Variants in FIG4 observed in about 807,000 individuals in gnomAD.
FIG4 encodes FIG4 phosphoinositide 5-phosphatase.
In FIG4, 112 loss-of-function variants were observed where a neutral mutation model predicts 118.6. The ratio of observed to expected loss-of-function variants is 0.94; its 90% confidence interval spans 0.81 to 1.11. The LOEUF is 1.11. FIG4 is among the 50% of genes least tolerant of loss of function. The pLI, the probability that FIG4 is intolerant of heterozygous loss-of-function variation, is 0.00. For missense variants in FIG4, 969 were observed against 1,111.7 expected, an observed-to-expected ratio of 0.87 and a Z score of 1.83; for synonymous variants, 369 against 381.2, an observed-to-expected ratio of 0.97 and a Z score of 0.37.
intron 17 of FIG4, chr6:109,786,024 A>G: frequency 2.3e-6 from 1 of 434,454 alleles, no homozygotes; most frequent in Non-Finnish European, 4.2e-6. Context: ...AGGAATTTAA[A>G]GAACCTCCTC....
chr6:109,797,487 T>A (rs1778319842), intron 22 of FIG4, among the ~76,000 whole-genome samples: 1 of 152,156 alleles, frequency 6.6e-6, no homozygotes, highest in African/African-American at 2.4e-5. Flanking sequence ...ATCACCATCA[T>A]CATCCTCTTC....
chr6:109,757,622 G>T (rs1776958776), intron 10 of FIG4, among the ~76,000 whole-genome samples: 1 of 152,152 alleles, frequency 6.6e-6, no homozygotes, highest in Non-Finnish European at 1.5e-5. Flanking sequence ...GAACAATCAG[G>T]CAAGAGAAAG....
chr6:109,802,539 G>A (rs796688699), intron 22 of FIG4, among the ~76,000 whole-genome samples: 3 of 152,302 alleles, frequency 2.0e-5, no homozygotes, highest in African/African-American at 4.8e-5. Flanking sequence ...CAAAAGTTTA[G>A]CATGTGTGTA....
intron 22 of FIG4, among the ~76,000 whole-genome samples, chr6:109,797,368 C>T (rs1778316783): frequency 6.6e-6 from 1 of 152,114 alleles, no homozygotes; most frequent in Non-Finnish European, 1.5e-5. Context: ...TCCTCATCTG[C>T]AAAAGGGAAT....
chr6:109,734,129 A>C (rs1297551724), intron 5 of FIG4, among the ~76,000 whole-genome samples: 1 of 151,986 alleles, frequency 6.6e-6, no homozygotes, highest in African/African-American at 2.4e-5. Context: ...AGATGAAACA[A>C]ATCAATTTCA....
chr6:109,743,095 C>A lies in FIG4; in HGVS notation c.877-15C>A. The A allele has an allele frequency of 1.2e-6, 2 of 1,605,944 alleles. No homozygotes were observed. Among genetic ancestry groups the A allele is most frequent in the Middle Eastern group, 1.7e-4 (1 of 6,042 alleles). Reference sequence around the variant, plus strand: ...TAATAACATAAAATATTTTTCAATGCACCTTTCTTTTCAGGGTGATGTTGC... The same window carrying A: ...TAATAACATAAAATATTTTTCAATGAACCTTTCTTTTCAGGGTGATGTTGC... On this transcript the variant is annotated splice_polypyrimidine_tract_variant and intron_variant, in intron 8 of 22. Transcript: ENST00000230124.
chr6:109,766,345 A>G (rs539348464), intron 14 of FIG4, among the ~76,000 whole-genome samples: 25 of 152,324 alleles, frequency 1.6e-4, no homozygotes, highest in Non-Finnish European at 3.4e-4. Flanking sequence ...GCTCGAATGG[A>G]CTGACACCGT....
intron 10 of FIG4, among the ~76,000 whole-genome samples, chr6:109,751,995 C>A (rs1224138946): frequency 2.9e-3 from 307 of 105,700 alleles, no homozygotes; most frequent in African/African-American, 0.011. Context: ...CCCCTCCCCC[C>A]ACCCCACAAC....
chr6:109,707,434 T>C (rs546756730), intron 1 of FIG4, among the ~76,000 whole-genome samples: 2 of 148,342 alleles, frequency 1.3e-5, no homozygotes, highest in Admixed American at 6.8e-5. Context: ...TATATACATA[T>C]ATATACATAT....
At chr6:109,763,052 T>C (rs1777159799) in intron 12 of FIG4, among the ~76,000 whole-genome samples, 2 of 152,224 alleles carry the variant, frequency 1.3e-5, no homozygotes, top group Non-Finnish European at 2.9e-5. Context: ...TTGTGAAGCA[T>C]GGGTGAAATG....
chr6:109,817,300 A>G (rs539636222), intron 22 of FIG4, among the ~76,000 whole-genome samples: 4 of 152,326 alleles, frequency 2.6e-5, no homozygotes, highest in South Asian at 2.1e-4. Flanking sequence ...GCCTACAAAC[A>G]ATGCAGCCGA....
chr6:109,807,068 A>G (rs1778584796), intron 22 of FIG4, among the ~76,000 whole-genome samples: 1 of 152,232 alleles, frequency 6.6e-6, no homozygotes. Context: ...CACAATAAAC[A>G]TATGTGTGCA....
intron 10 of FIG4, among the ~76,000 whole-genome samples, chr6:109,758,331 A>G (rs2128390543): frequency 6.6e-6 from 1 of 152,344 alleles, no homozygotes; most frequent in South Asian, 2.1e-4. Context: ...GATCTTTGAC[A>G]AACTTGACAA....
chr6:109,819,886 C>G (rs1778958994), intron 22 of FIG4, among the ~76,000 whole-genome samples: 1 of 152,200 alleles, frequency 6.6e-6, no homozygotes, highest in East Asian at 1.9e-4. Flanking sequence ...GTATCCCCTA[C>G]TTCATTGATT....
intron 22 of FIG4, among the ~76,000 whole-genome samples, chr6:109,821,322 T>C (rs1197709491): frequency 2.6e-5 from 4 of 152,196 alleles, no homozygotes; most frequent in Non-Finnish European, 5.9e-5. Flanking sequence ...AAATCTTTCC[T>C]GAGCAACATC....
At chr6:109,795,061 C>A (rs35704533) in intron 21 of FIG4, among the ~76,000 whole-genome samples, 1 of 134,272 alleles carries the variant, frequency 7.4e-6, no homozygotes, top group Non-Finnish European at 1.6e-5. Context: ...TGAAAGCTTT[C>A]TACTTACTTC....
intron 3 of FIG4, among the ~76,000 whole-genome samples, chr6:109,720,046 G>C (rs1301881637): frequency 3.3e-5 from 5 of 152,160 alleles, no homozygotes; most frequent in Non-Finnish European, 5.9e-5. Context: ...GTTGAAGTTA[G>C]AGCCCTTTTA....
At chr6:109,764,867 G>A in intron 13 of FIG4, 146 bp from the exon 14 acceptor site, 2 of 689,782 alleles carry the variant, frequency 2.9e-6, no homozygotes, top group South Asian at 3.6e-5. Context: ...AATAATATTT[G>A]TTCAGGAATA....
rs189658507 is a variant in FIG4, at chr6:109,710,756, G to A, written c.67-4322G>A. Among the ~76,000 whole-genome samples the A allele has an allele frequency of 1.2e-4, 19 of 152,238 alleles. No individual in the cohort carries two copies. In the East Asian group the frequency reaches 1.4e-3, roughly 11 times the overall value. ...ATCTATTTCTTCTAGATTTTCTAGT[G>A]TATGTGAATAGAGGTGTTCATACTA... On this transcript the variant is annotated intron_variant, in intron 1 of 22. Transcript: ENST00000230124.
Sources: allele counts gnomAD v4.1 joint callset (sites outside exome capture counted in the v4.1 genomes callset), GRCh38; gene constraint gnomAD v4.1.1; transcripts MANE v1.5; gene names NCBI Gene and HGNC (gene_info 2026-07-23, HGNC 2026-07-21).